The following MTM1 variants were observed in gnomAD, a reference collection of about 807,000 sequenced individuals.
MTM1 encodes the protein myotubularin.
In MTM1, 9 loss-of-function variants were observed where a neutral mutation model predicts 52.1. The ratio of observed to expected loss-of-function variants is 0.17; its 90% CI spans 0.10 to 0.30. The LOEUF is 0.30. Ranked by LOEUF, MTM1 falls within the 10% of genes least tolerant of loss-of-function variation. The pLI is 1.00. For synonymous variants in MTM1, 136 were observed against 163.8 expected, an observed-to-expected ratio of 0.83 and a Z score of 1.29; for missense variants, 277 against 470.7, an observed-to-expected ratio of 0.59 and a Z score of 3.81.
intron 11 of MTM1, among the ~76,000 whole-genome samples, 170 bp downstream of exon 11, chrX:150,658,197 T>G (rs1557414530): frequency 8.9e-6 from 1 of 112,296 alleles, no homozygotes; most frequent in Admixed American, 9.4e-5. Context: ...TTTTAAGAGA[T>G]ATGTTTATCC....
At chrX:150,583,806 AAT>A (rs1269294306) in intron 1 of MTM1, among the ~76,000 whole-genome samples, 4 of 51,386 alleles carry the variant, frequency 7.8e-5, no homozygotes, top group Non-Finnish European at 1.3e-4. Context: ...ATATATATTA[AAT>A]ATATATATTA....
intron 13 of MTM1, among the ~76,000 whole-genome samples, chrX:150,662,378 C>CT (rs1290760756): frequency 8.9e-6 from 1 of 111,906 alleles, no homozygotes; most frequent in African/African-American, 3.3e-5. Context: ...GGCTGGAGTG[C>CT]TGTGGCGCGA....
At chrX:150,658,995 A>G (rs1557414573) in intron 11 of MTM1, among the ~76,000 whole-genome samples, 1 of 111,902 alleles carries the variant, frequency 8.9e-6, no homozygotes, top group Non-Finnish European at 1.9e-5. Flanking sequence ...CTGGGATTAC[A>G]GGCATGCACC....
chrX:150,611,864 A>T (rs782106412), intron 4 of MTM1, among the ~76,000 whole-genome samples: 2 of 112,114 alleles, frequency 1.8e-5, no homozygotes, highest in African/African-American at 6.5e-5. Context: ...CAAGCACATT[A>T]TATAAAAGGA....
chrX:150,572,915 G>T (rs1190982419), intron 1 of MTM1, among the ~76,000 whole-genome samples: 5 of 112,903 alleles, frequency 4.4e-5, no homozygotes, highest in Non-Finnish European at 9.4e-5. Flanking sequence ...ACTTTGCAAT[G>T]AATTTCATGT....
the MTM1 span, among the ~76,000 whole-genome samples, chrX:150,563,407 C>T: frequency 9.2e-5 from 9 of 98,138 alleles, no homozygotes; most frequent in South Asian, 5.3e-4. Flanking sequence ...CTCTGCCTTC[C>T]GGGTTCAAGC....
At chrX:150,661,477 T>A (rs946860020) in intron 13 of MTM1, among the ~76,000 whole-genome samples, 1 of 111,967 alleles carries the variant, frequency 8.9e-6, no homozygotes, top group Admixed American at 9.5e-5. Flanking sequence ...GTCAAAGAGG[T>A]TATCTGCAAT....
intron 10 of MTM1, among the ~76,000 whole-genome samples, chrX:150,656,855 A>T (rs2040124225): frequency 8.9e-6 from 1 of 112,496 alleles, no homozygotes; most frequent in Non-Finnish European, 1.9e-5. Flanking sequence ...TTACGCAGCC[A>T]GCAGACACAT....
intron 11 of MTM1, among the ~76,000 whole-genome samples, chrX:150,658,400 G>GAT (rs782536340): frequency 9.0e-6 from 1 of 111,409 alleles, no homozygotes; most frequent in South Asian, 3.8e-4. Flanking sequence ...ATCATCGAGA[G>GAT]ATGAATAAGT....
chrX:150,597,029 G>T (rs2148431508), intron 3 of MTM1: 1 of 125,872 alleles, frequency 7.9e-6, no homozygotes, highest in South Asian at 2.6e-4. Context: ...TAGTATTTAG[G>T]TAATATTTTG....
intron 4 of MTM1, among the ~76,000 whole-genome samples, chrX:150,607,029 A>T (rs782623810): frequency 1.1e-5 from 1 of 95,217 alleles, no homozygotes; most frequent in South Asian, 5.7e-4. Context: ...CCCAGGTTGG[A>T]GTGCAGTGGC....
chrX:150,565,461 C>T (rs73618841), upstream of MTM1, among the ~76,000 whole-genome samples: 648 of 112,167 alleles, frequency 5.8e-3, 4 homozygotes, highest in African/African-American at 0.02. Flanking sequence ...AAGAATGCCC[C>T]TCCCTTTCCT....
intron 1 of MTM1, among the ~76,000 whole-genome samples, chrX:150,571,657 T>C (rs944535466): frequency 3.6e-5 from 4 of 112,522 alleles, no homozygotes; most frequent in African/African-American, 1.3e-4. Flanking sequence ...ACTTTTGGAA[T>C]CCAGTAGCTT....
intron 4 of MTM1, among the ~76,000 whole-genome samples, chrX:150,600,356 G>T (rs1179242343): frequency 1.8e-5 from 2 of 112,117 alleles, no homozygotes; most frequent in African/African-American, 3.2e-5. Context: ...TAAAGGATAG[G>T]AGGTCTGTCT....
intron 8 of MTM1, among the ~76,000 whole-genome samples, chrX:150,642,102 A>G (rs1030915961): frequency 9.0e-6 from 1 of 111,013 alleles, no homozygotes; most frequent in Non-Finnish European, 1.9e-5. Flanking sequence ...TTTTTCCCCT[A>G]ATAAGTAAAT....
intron 3 of MTM1, chrX:150,597,020 A>C: frequency 7.7e-6 from 1 of 130,706 alleles, no homozygotes; most frequent in South Asian, 2.3e-4. Flanking sequence ...AATGGAAGTT[A>C]GTATTTAGGT....
chrX:150,569,046 C>G (rs1439210919), intron 1 of MTM1, among the ~76,000 whole-genome samples: 2 of 113,577 alleles, frequency 1.8e-5, no homozygotes, highest in African/African-American at 6.4e-5. Flanking sequence ...CCTGCCTCCC[C>G]GGCGACGCTC....
At chrX:150,635,423 A>G (rs1468911700) in intron 6 of MTM1, among the ~76,000 whole-genome samples, 1 of 112,370 alleles carries the variant, frequency 8.9e-6, no homozygotes, top group Non-Finnish European at 1.9e-5. Context: ...TGAAAGTGTC[A>G]ACACATTAAT....
At chrX:150,664,988 G>A (rs1487846190) in intron 14 of MTM1, among the ~76,000 whole-genome samples, 1 of 111,823 alleles carries the variant, frequency 8.9e-6, no homozygotes, top group Non-Finnish European at 1.9e-5. Context: ...TGTGTGACAG[G>A]TCAAGTTTGA....
Sources: allele counts gnomAD v4.1 joint callset (sites outside exome capture counted in the v4.1 genomes callset), GRCh38; gene constraint gnomAD v4.1.1; transcripts MANE v1.5; gene names NCBI Gene and HGNC (gene_info 2026-07-23, HGNC 2026-07-21).